The following RARB variants were observed in gnomAD, a reference collection of about 807,000 sequenced individuals.
RARB encodes the protein HBV-activated protein.
Under a neutral mutation model 51.9 loss-of-function variants are expected in RARB, and 17 were observed. The ratio of observed to expected loss-of-function variants is 0.33; its 90% CI spans 0.22 to 0.49. The LOEUF (loss-of-function observed/expected upper bound fraction) is 0.49. RARB is among the 20% of genes least tolerant of loss of function. The pLI, the probability that RARB is intolerant of heterozygous loss-of-function variation, is 0.99. For missense variants in RARB, 369 were observed against 550.8 expected (o/e 0.67, Z 3.30); for synonymous variants, 215 against 195.4 (o/e 1.10, Z -0.84).
intron 4 of RARB, among the ~76,000 whole-genome samples, chr3:25,163,875 C>T (rs867661839): frequency 3.3e-5 from 5 of 152,140 alleles, no homozygotes; most frequent in Non-Finnish European, 1.5e-5. Flanking sequence ...ATGAAAAGAG[C>T]ATGGAATAGG....
intron 1 of RARB, among the ~76,000 whole-genome samples, chr3:25,453,761 C>T (rs1420094069): frequency 6.6e-6 from 1 of 152,110 alleles, no homozygotes; most frequent in Non-Finnish European, 1.5e-5. Context: ...CCCTGGTGAC[C>T]CCGGCAAACA....
chr3:25,180,142 A>T (rs923221274), intron 5 of RARB, among the ~76,000 whole-genome samples: 6 of 152,188 alleles, frequency 3.9e-5, no homozygotes, highest in African/African-American at 1.4e-4. Context: ...AGAGGCCATC[A>T]TAAAGACGGG....
At position 25,576,667 on chromosome 3, in the gene RARB, C is replaced by T. The variant is rs575229780; in HGVS notation, c.610-3879C>T. Among the ~76,000 whole-genome samples, 7 of 152,286 alleles carry T rather than the reference C, an allele frequency of 4.6e-5. No individual in the cohort carries two copies. In the South Asian group the frequency reaches 1.0e-3, roughly 23 times the overall value. ...TTTAGCCAGGCTGCTAGGAAATACTCGAAAGATTCTAGAGACCCTCCCTAC... is the reference window on the plus strand; with the variant it reads ...TTTAGCCAGGCTGCTAGGAAATACTTGAAAGATTCTAGAGACCCTCCCTAC... On this transcript the variant is annotated intron_variant, in intron 4 of 7. Coordinates refer to ENST00000330688, the MANE Select transcript of RARB (RefSeq NM_000965.5).
chr3:24,892,787 G>A (rs759707897), intron 2 of RARB, among the ~76,000 whole-genome samples: 11 of 152,078 alleles, frequency 7.2e-5, no homozygotes, highest in Non-Finnish European at 1.0e-4. Context: ...CAAGAAATGC[G>A]GGAGACATAC....
At chr3:25,264,523 A>G (rs181821446) in intron 5 of RARB, among the ~76,000 whole-genome samples, 1 of 152,206 alleles carries the variant, frequency 6.6e-6, no homozygotes, top group Non-Finnish European at 1.5e-5. Flanking sequence ...AGATTAACTT[A>G]TTCTTAATTA....
At chr3:25,288,551 C>T (rs931512388) in intron 5 of RARB, among the ~76,000 whole-genome samples, 2 of 152,128 alleles carry the variant, frequency 1.3e-5, no homozygotes, top group Non-Finnish European at 2.9e-5. Flanking sequence ...ACTATTTGGG[C>T]CAATTTGCAT....
intron 5 of RARB, among the ~76,000 whole-genome samples, chr3:25,210,557 A>T (rs1263623673): frequency 8.4e-4 from 19 of 22,518 alleles, no homozygotes; most frequent in Admixed American, 1.5e-3. Flanking sequence ...TTTTTTTGAG[A>T]TTGAGTCTCA....
chr3:25,436,358 G>A (rs1310685212), intron 1 of RARB, among the ~76,000 whole-genome samples: 1 of 152,210 alleles, frequency 6.6e-6, no homozygotes, highest in African/African-American at 2.4e-5. Context: ...AAGTAACCCA[G>A]ATGACTGGCA....
chr3:24,914,461 T>C (rs1192893818), intron 2 of RARB, among the ~76,000 whole-genome samples: 2 of 152,078 alleles, frequency 1.3e-5, no homozygotes, highest in Non-Finnish European at 1.5e-5. Flanking sequence ...CCGGATTTGA[T>C]AGATGGAACA....
chr3:24,873,800 C>T (rs1250670767), intron 2 of RARB, among the ~76,000 whole-genome samples: 1 of 151,756 alleles, frequency 6.6e-6, no homozygotes, highest in Non-Finnish European at 1.5e-5. Context: ...ATTTTTGATA[C>T]CTACTTTTGA....
chr3:25,270,218 G>A (rs1703226689), intron 5 of RARB, among the ~76,000 whole-genome samples: 1 of 152,170 alleles, frequency 6.6e-6, no homozygotes, highest in Non-Finnish European at 1.5e-5. Flanking sequence ...ATAGCCAAAA[G>A]TTGGAGTAAT....
At chr3:24,996,265 T>G (rs1385828628) in intron 2 of RARB, among the ~76,000 whole-genome samples, 1 of 152,048 alleles carries the variant, frequency 6.6e-6, no homozygotes, top group Non-Finnish European at 1.5e-5. Context: ...ATAGTAATCT[T>G]GAATGATCCA....
At chr3:24,835,820 G>A (rs1702338563) in intron 1 of RARB, among the ~76,000 whole-genome samples, 1 of 152,194 alleles carries the variant, frequency 6.6e-6, no homozygotes, top group Non-Finnish European at 1.5e-5. Context: ...AGTGGGTGGT[G>A]AAAGTTGCAT....
chr3:25,024,462 G>C (rs192579171), intron 2 of RARB, among the ~76,000 whole-genome samples: 5 of 152,234 alleles, frequency 3.3e-5, no homozygotes, highest in Middle Eastern at 3.4e-3. Context: ...AGTAATTATA[G>C]AGACTATCAT....
intron 5 of RARB, among the ~76,000 whole-genome samples, chr3:25,326,942 A>C (rs886127656): frequency 2.7e-4 from 41 of 151,910 alleles, no homozygotes; most frequent in Non-Finnish European, 4.9e-4. Context: ...GCACCCATTA[A>C]CTCGTCATTT....
At position 25,596,583 on chromosome 3, in the gene RARB, C is replaced by T; in HGVS notation, c.1314C>T (p.Asn438=). The T allele has an allele frequency of 6.2e-7, 1 of 1,611,250 alleles. No individual in the cohort carries two copies. Among genetic ancestry groups the T allele is most frequent in the Non-Finnish European group, 8.5e-7 (1 of 1,177,938 alleles). The change falls in exon 8 of 8, where the codon AAC becomes AAT. Residue 438 remains asparagine, a synonymous_variant. Coordinates refer to ENST00000330688, the MANE Select transcript of RARB (RefSeq NM_000965.5). ...SPSISPSSVE[N]SGVSQSPLVQ ...GCATCTCACCCAGCTCAGTGGAAAA[C>T]AGTGGGGTCAGTCAGTCACCACTCG...
At chr3:25,388,094 T>C (rs1438937630) in intron 5 of RARB, among the ~76,000 whole-genome samples, 1 of 152,208 alleles carries the variant, frequency 6.6e-6, no homozygotes, top group Non-Finnish European at 1.5e-5. Context: ...TTTACCTATA[T>C]GTTGATTTTT....
intron 1 of RARB, among the ~76,000 whole-genome samples, chr3:24,837,559 A>G (rs954727527): frequency 6.6e-6 from 1 of 152,242 alleles, no homozygotes; most frequent in African/African-American, 2.4e-5. Flanking sequence ...TCAATGTTAC[A>G]GTTAAAAGAG....
chr3:25,213,042 T>C (rs1316734109), intron 5 of RARB, among the ~76,000 whole-genome samples: 1 of 152,192 alleles, frequency 6.6e-6, no homozygotes, highest in African/African-American at 2.4e-5. Context: ...AAGACCATGC[T>C]TTGCTTTTTT....
Sources: gnomAD v4.1 joint callset for allele counts (sites outside exome capture counted in the v4.1 genomes callset) on GRCh38, gnomAD v4.1.1 for gene constraint, MANE v1.5 for transcripts, NCBI Gene and HGNC (gene_info 2026-07-23, HGNC 2026-07-21) for gene names.